POFUT1: variants seen among roughly 807,000 people sequenced by gnomAD.
POFUT1 encodes the protein GDP-fucose protein O-fucosyltransferase 1.
In POFUT1, 16 loss-of-function variants were observed where a neutral mutation model predicts 42.4. That is an observed-to-expected ratio of 0.38 (90% CI 0.26 to 0.57). The LOEUF is 0.57. POFUT1 is among the 20% of genes least tolerant of loss of function. POFUT1 has a pLI of 0.71. For synonymous variants in POFUT1, 206 were observed against 205.4 expected (o/e 1.00, Z -0.03); for missense variants, 470 against 504.6 (o/e 0.93, Z 0.66).
chr20:32,219,945 A>G (rs1445124813), intron 4 of POFUT1, among the ~76,000 whole-genome samples: 3 of 152,212 alleles, frequency 2.0e-5, no homozygotes, highest in Non-Finnish European at 4.4e-5. Flanking sequence ...TCTTGGAACG[A>G]ATAACCTTTA....
chr20:32,218,878 A>C (rs1183099543), intron 4 of POFUT1, among the ~76,000 whole-genome samples: 2 of 152,210 alleles, frequency 1.3e-5, no homozygotes. Context: ...ATTGCCCCAT[A>C]GCTTTGTTTG....
At chr20:32,216,391 A>G (rs867004078) in intron 3 of POFUT1, among the ~76,000 whole-genome samples, 1 of 152,222 alleles carries the variant, frequency 6.6e-6, no homozygotes, top group Non-Finnish European at 1.5e-5. Flanking sequence ...ACATGTGAAC[A>G]GGAAAGACTC....
At chr20:32,228,537 TC>T in intron 5 of POFUT1, 82 bp downstream of exon 5, 1 of 1,211,054 alleles carries the variant, frequency 8.3e-7, no homozygotes, top group Non-Finnish European at 1.2e-6. Flanking sequence ...CGGCCCCGCG[TC>T]CCAGCCAGAG....
At chr20:32,232,225 C>G (rs2047447124) in intron 6 of POFUT1, among the ~76,000 whole-genome samples, 1 of 151,954 alleles carries the variant, frequency 6.6e-6, no homozygotes, top group Non-Finnish European at 1.5e-5. Context: ...GCCTGTAATC[C>G]CAGGCCAAGG....
intron 2 of POFUT1, among the ~76,000 whole-genome samples, chr20:32,211,672 C>G (rs1212357474): frequency 1.3e-5 from 2 of 152,218 alleles, no homozygotes; most frequent in Non-Finnish European, 2.9e-5. Context: ...CAAGTCCCCA[C>G]TTCCTTGCTT....
rs2047462550 is a variant in POFUT1 at position 32,234,963 on chromosome 20, A to T, written c.*302A>T. The T allele has an allele frequency of 3.4e-6, 1 of 293,190 alleles. No homozygotes were observed. The highest frequency in any genetic ancestry group is 4.7e-5 in the Admixed American group (1 of 21,276). The allele number at this position is 293,190 out of a possible 1,614,324, so 18.2% of individuals were successfully genotyped here. A position where few individuals can be genotyped will look rare whatever the true frequency, so the allele number is the denominator to read the frequency against. On this transcript the variant is annotated 3_prime_UTR_variant, in exon 7 of 7. Transcript: ENST00000375749. Reference sequence around the variant, plus strand: ...TCTTCTGGTCCACTCTGCTCTGAGCAGCCTGGGATGCTGAACTCTTCAGAG... The same window carrying T: ...TCTTCTGGTCCACTCTGCTCTGAGCTGCCTGGGATGCTGAACTCTTCAGAG...
intron 5 of POFUT1, among the ~76,000 whole-genome samples, chr20:32,229,631 G>A (rs1288550149): frequency 3.3e-5 from 5 of 152,186 alleles, no homozygotes; most frequent in African/African-American, 7.2e-5. Flanking sequence ...AAGGCTGCCC[G>A]TTAGTACTGC....
At position 32,237,882 on chromosome 20, in the gene POFUT1, G is replaced by A. The variant is rs1390364714; in HGVS notation, c.*3221G>A. ...AAGGCCATTGCATTGAAGGAGGTGG[G>A]AAATGATTAGATTCTGAACATATGT... is the stretch of plus-strand genomic sequence containing the variant. On this transcript the variant is annotated 3_prime_UTR_variant, in exon 7 of 7. Coordinates refer to ENST00000375749, the MANE Select transcript of POFUT1 (RefSeq NM_015352.2). 4 of 529,166 alleles carry A rather than the reference G, an allele frequency of 7.6e-6. No individual in the cohort carries two copies. The highest frequency in any genetic ancestry group is 4.2e-5 in the South Asian group (3 of 70,820). 32.8% of individuals were successfully genotyped at this position (529,166 alleles called of 1,614,324 possible).
Position 32,230,864 on chromosome 20 carries a change from T to C in POFUT1, c.781T>C (p.Phe261Leu). Reference sequence around the variant, plus strand: ...GAAGGACGGGACTGCAGGCTCGCACTTCATGGCCTCTCCGCAGTGTGTGGG... The same window carrying C: ...GAAGGACGGGACTGCAGGCTCGCACCTCATGGCCTCTCCGCAGTGTGTGGG... ...MLKDGTAGSH[F>L]MASPQCVGYS... Residue 261 changes from phenylalanine (F) to leucine (L), a missense_variant, in exon 6 of 7, where the codon TTC becomes CTC. By Grantham distance (22) the Phe-to-Leu change is conservative. Coordinates refer to ENST00000375749, the MANE Select transcript of POFUT1 (RefSeq NM_015352.2). 6.2e-7 allele frequency: 1 copy of C among 1,614,134 alleles called. No homozygotes were observed.
rs1020242253 is a variant in POFUT1 at position 32,236,844 on chromosome 20, G to C, written c.*2183G>C. On this transcript the variant is annotated 3_prime_UTR_variant, in exon 7 of 7. Transcript: ENST00000375749. ...TCCCCAGCCCTGGGAAATAGGAGCT[G>C]TCATTATCCTTCTCTTTCTGCACAA... is the stretch of plus-strand genomic sequence containing the variant. The C allele has an allele frequency of 2.6e-5, 4 of 152,142 alleles. No homozygotes were observed. Among genetic ancestry groups the C allele is most frequent in the Non-Finnish European group, 4.4e-5 (3 of 68,044 alleles). The allele number at this position is 152,142 out of a possible 1,614,324, so 9.4% of individuals were successfully genotyped here.
intron 4 of POFUT1, among the ~76,000 whole-genome samples, chr20:32,227,530 CAAAAAA>C (rs1240077562): frequency 6.6e-6 from 1 of 151,912 alleles, no homozygotes; most frequent in Non-Finnish European, 1.5e-5. Context: ...GATCCTATCT[CAAAAAA>C]GAAAAAGAAA....
intron 2 of POFUT1, among the ~76,000 whole-genome samples, chr20:32,211,851 G>T (rs1375071068): frequency 1.3e-5 from 2 of 152,138 alleles, no homozygotes; most frequent in Non-Finnish European, 2.9e-5. Flanking sequence ...GAACTTCCCT[G>T]TTCCAAGACA....
Position 32,235,471 on chromosome 20 carries a change from C to T in POFUT1, c.*810C>T, listed in dbSNP as rs1292134323. On this transcript the variant is annotated 3_prime_UTR_variant, in exon 7 of 7. Coordinates refer to ENST00000375749, the MANE Select transcript of POFUT1 (RefSeq NM_015352.2). ...CCATCAGATCTCTTCTGATCTCTTG[C>T]CCCAGTGGGGCCTGGTTGGTAGAAT... The T allele has an allele frequency of 6.6e-6, 1 of 152,234 alleles. No homozygotes were observed. The highest frequency in any genetic ancestry group is 1.5e-5 in the Non-Finnish European group (1 of 68,056). 9.4% of individuals were successfully genotyped at this position (152,234 alleles called of 1,614,324 possible).
At chr20:32,233,658 T>C (rs114135374) in intron 6 of POFUT1, among the ~76,000 whole-genome samples, 2,465 of 152,208 alleles carry the variant, frequency 0.016, 79 homozygotes, top group African/African-American at 0.055. Flanking sequence ...AGGCAAGAGA[T>C]TGTGATGATT....
At chr20:32,232,727 G>A (rs978152280) in intron 6 of POFUT1, among the ~76,000 whole-genome samples, 13 of 151,966 alleles carry the variant, frequency 8.6e-5, no homozygotes, top group Admixed American at 3.3e-4. Flanking sequence ...GTCCCAGGGA[G>A]TTTTTTTGTG....
chr20:32,224,987 T>G (rs1014585302), intron 4 of POFUT1, among the ~76,000 whole-genome samples: 8 of 152,212 alleles, frequency 5.3e-5, no homozygotes, highest in Non-Finnish European at 1.0e-4. Context: ...GTGATGATGA[T>G]AAGAGCTAGA....
In POFUT1 at chr20:32,228,375, G is replaced by C; in HGVS notation, c.655G>C (p.Val219Leu). ...GTACATGGTATGGTCAGACGAAATG[G>C]TGAAGACGGGAGAGGCCCAGATTCA... ...QKYMVWSDEM[V>L]KTGEAQIHAH... Residue 219 changes from valine to leucine, a missense_variant, in exon 5 of 7, where the codon GTG (valine) becomes CTG (leucine). Val to Leu is a conservative substitution (Grantham distance 32). Coordinates refer to ENST00000375749, the MANE Select transcript of POFUT1 (RefSeq NM_015352.2). 6.2e-7 allele frequency: 1 copy of C among 1,614,230 alleles called. No individual in the cohort carries two copies. Among genetic ancestry groups the C allele is most frequent in the Non-Finnish European group, 8.5e-7 (1 of 1,180,040 alleles).
chr20:32,225,085 G>A (rs2047408018), intron 4 of POFUT1, among the ~76,000 whole-genome samples: 1 of 152,084 alleles, frequency 6.6e-6, no homozygotes, highest in African/African-American at 2.4e-5. Context: ...CCCTATAAAT[G>A]GATATATTAA....
intron 2 of POFUT1, among the ~76,000 whole-genome samples, chr20:32,214,211 C>G (rs1009475868): frequency 6.6e-6 from 1 of 152,026 alleles, no homozygotes; most frequent in Non-Finnish European, 1.5e-5. Context: ...TGAAGCCTCA[C>G]CCTCCTGAAT....
Sources: allele counts gnomAD v4.1 joint callset (sites outside exome capture counted in the v4.1 genomes callset), GRCh38; gene constraint gnomAD v4.1.1; transcripts MANE v1.5; gene names NCBI Gene and HGNC (gene_info 2026-07-23, HGNC 2026-07-21).